The following ATRNL1 variants were observed in gnomAD, a reference collection of about 807,000 sequenced individuals.
The protein encoded by ATRNL1 is attractin like 1, also known as attractin-like protein 1.
In ATRNL1, 95 loss-of-function variants were observed where a neutral mutation model predicts 182.7. The observed-to-expected ratio is 0.52, with a 90% CI of 0.44 to 0.62. The LOEUF is 0.62. Among genes scored for constraint, ATRNL1 ranks in the 20% least tolerant of loss-of-function variants. ATRNL1 has a pLI of 0.00. For missense variants in ATRNL1, 1,471 were observed against 1,679.5 expected (o/e 0.88, Z 2.17); for synonymous variants, 576 against 568.3 (o/e 1.01, Z -0.19).
chr10:115,659,064 G>A lies in ATRNL1; in HGVS notation c.3796-68184G>A, dbSNP rs77845276. On this transcript the variant is annotated intron_variant, in intron 26 of 28. Transcript: ENST00000355044. Reference sequence around the variant, plus strand: ...CTGCCCCATGATTTAATTGTGATGGGTGTCTCCCATCACACATAGGGATTA... The same window carrying A: ...CTGCCCCATGATTTAATTGTGATGGATGTCTCCCATCACACATAGGGATTA... 7.2e-3 allele frequency among the ~76,000 whole-genome samples: 1,095 copies of A among 152,100 alleles called. 13 individuals carry two copies. The highest frequency in any genetic ancestry group is 0.025 in the African/African-American group (1,043 of 41,488).
At chr10:115,335,358 T>A (rs1056841898) in intron 19 of ATRNL1, among the ~76,000 whole-genome samples, 1 of 152,170 alleles carries the variant, frequency 6.6e-6, no homozygotes. Flanking sequence ...TTAGATAATT[T>A]TTTTTTAACA....
Position 115,268,119 on chromosome 10 carries a change from G to A in ATRNL1, c.1982-207G>A, listed in dbSNP as rs566728505. Among the ~76,000 whole-genome samples the A allele has an allele frequency of 1.3e-3, 199 of 152,074 alleles. 10 individuals are homozygous for A. The South Asian group carries it at 0.04, about 31-fold the overall frequency. ...CTTGTATATTGAATAATTAAAATGGGGGTAAAAGGTCTCGAAAATCCTGTA... is the reference window on the plus strand; with the variant it reads ...CTTGTATATTGAATAATTAAAATGGAGGTAAAAGGTCTCGAAAATCCTGTA... On this transcript the variant is annotated intron_variant, in intron 12 of 28. Coordinates refer to ENST00000355044, the MANE Select transcript of ATRNL1 (RefSeq NM_207303.4).
chr10:115,326,349 A>T (rs1224819702), intron 18 of ATRNL1, among the ~76,000 whole-genome samples: 2 of 152,206 alleles, frequency 1.3e-5, no homozygotes, highest in Admixed American at 6.5e-5. Context: ...TTCAAAGAGA[A>T]TAAAATACCT....
intron 19 of ATRNL1, among the ~76,000 whole-genome samples, chr10:115,350,037 G>T (rs1362763888): frequency 6.6e-6 from 1 of 152,034 alleles, no homozygotes; most frequent in African/African-American, 2.4e-5. Flanking sequence ...CCAATGTTCT[G>T]TAGAATTTCC....
intron 9 of ATRNL1, among the ~76,000 whole-genome samples, chr10:115,233,314 C>T (rs1330915507): frequency 2.6e-5 from 4 of 152,108 alleles, no homozygotes; most frequent in African/African-American, 9.7e-5. Flanking sequence ...TCAACCAGTA[C>T]AATATCTTTT....
At chr10:115,317,561 T>C (rs114887583) in intron 18 of ATRNL1, among the ~76,000 whole-genome samples, 62 of 152,294 alleles carry the variant, frequency 4.1e-4, no homozygotes, top group African/African-American at 1.5e-3. Flanking sequence ...TCCTGTCTTA[T>C]TTCATTGTGC....
At chr10:115,519,349 T>C in intron 25 of ATRNL1, 25 bp downstream of exon 25, 1 of 1,594,768 alleles carries the variant, frequency 6.3e-7, no homozygotes, top group Non-Finnish European at 8.6e-7. Context: ...TGACTGACTT[T>C]GAACTTTTCA....
chr10:115,151,804 A>T (rs533002298), intron 5 of ATRNL1, among the ~76,000 whole-genome samples: 1 of 152,240 alleles, frequency 6.6e-6, no homozygotes, highest in East Asian at 1.9e-4. Context: ...TGTGTCCTGA[A>T]TGGTATTGCC....
At chr10:115,118,239 C>T (rs986190262) in intron 1 of ATRNL1, among the ~76,000 whole-genome samples, 4 of 152,084 alleles carry the variant, frequency 2.6e-5, no homozygotes, top group African/African-American at 7.2e-5. Flanking sequence ...CTTTGGTTGT[C>T]TGTGCTTGTG....
intron 24 of ATRNL1, among the ~76,000 whole-genome samples, chr10:115,487,547 T>C (rs1554975462): frequency 6.6e-6 from 1 of 152,018 alleles, no homozygotes; most frequent in African/African-American, 2.4e-5. Context: ...TATTGGTGTA[T>C]AGGAATGCTT....
intron 25 of ATRNL1, among the ~76,000 whole-genome samples, chr10:115,547,599 A>G (rs1337067489): frequency 6.6e-6 from 1 of 152,186 alleles, no homozygotes; most frequent in African/African-American, 2.4e-5. Flanking sequence ...CATGAAGTGA[A>G]TTTTAAGGAA....
chr10:115,508,004 A>T (rs921938984), intron 24 of ATRNL1, among the ~76,000 whole-genome samples: 1 of 151,990 alleles, frequency 6.6e-6, no homozygotes, highest in Non-Finnish European at 1.5e-5. Flanking sequence ...TAGTTTTTTT[A>T]CTAATTGAAG....
chr10:115,322,013 A>T (rs1207034290), intron 18 of ATRNL1, among the ~76,000 whole-genome samples: 3 of 152,116 alleles, frequency 2.0e-5, no homozygotes, highest in African/African-American at 7.2e-5. Context: ...TACCATTTAC[A>T]GTAGCTACAA....
chr10:115,193,332 C>T (rs1554890268), intron 8 of ATRNL1, among the ~76,000 whole-genome samples: 1 of 151,960 alleles, frequency 6.6e-6, no homozygotes, highest in African/African-American at 2.4e-5. Context: ...TTTTTCTCTT[C>T]ATTCTGTTGA....
chr10:115,133,199 C>T (rs1845339650), intron 5 of ATRNL1, among the ~76,000 whole-genome samples: 1 of 152,068 alleles, frequency 6.6e-6, no homozygotes, highest in Non-Finnish European at 1.5e-5. Flanking sequence ...ATCCTTTCCC[C>T]ATTTCTTGTT....
At chr10:115,279,388 A>G (rs1852255285) in intron 13 of ATRNL1, among the ~76,000 whole-genome samples, 1 of 152,068 alleles carries the variant, frequency 6.6e-6, no homozygotes, top group Admixed American at 6.6e-5. Context: ...AGAGGAATCT[A>G]CTTGTTTTAA....
intron 26 of ATRNL1, among the ~76,000 whole-genome samples, chr10:115,662,379 C>A (rs2133907545): frequency 6.6e-6 from 1 of 152,146 alleles, no homozygotes; most frequent in South Asian, 2.1e-4. Context: ...TAAACTAGTT[C>A]AACCATTGTG....
At chr10:115,938,869 G>T (rs1324620631) in intron 28 of ATRNL1, among the ~76,000 whole-genome samples, 1 of 152,098 alleles carries the variant, frequency 6.6e-6, no homozygotes, top group African/African-American at 2.4e-5. Flanking sequence ...GATGGGGAAA[G>T]GGAAGGTTTT....
chr10:115,520,514 T>TA (rs1554984930), intron 25 of ATRNL1, among the ~76,000 whole-genome samples: 12 of 152,186 alleles, frequency 7.9e-5, no homozygotes. Flanking sequence ...AACTTTATTA[T>TA]AAAAACAGCT....
Sources: gnomAD v4.1 joint callset for allele counts (sites outside exome capture counted in the v4.1 genomes callset) on GRCh38, gnomAD v4.1.1 for gene constraint, MANE v1.5 for transcripts, NCBI Gene and HGNC (gene_info 2026-07-23, HGNC 2026-07-21) for gene names.